Variants in CCDC102B observed in about 807,000 individuals in gnomAD.
The protein encoded by CCDC102B is coiled-coil domain containing 102B, also known as coiled-coil domain-containing protein 102B.
A neutral mutation model predicts 57.4 loss-of-function variants in CCDC102B; 75 were observed. The observed-to-expected ratio is 1.31, with a 90% CI of 1.08 to 1.58. The LOEUF is 1.58. Ranked by LOEUF, CCDC102B falls within the 40% of genes most tolerant of loss-of-function variation. The probability of loss-of-function intolerance (pLI) is 0.00; values close to 1 mark genes in which losing one functional copy is unlikely to be tolerated. For synonymous variants in CCDC102B, 206 were observed against 201.9 expected (o/e 1.02, Z -0.17); for missense variants, 636 against 582.6 (o/e 1.09, Z -0.94).
At chr18:68,980,809 T>G (rs1329336195) in intron 6 of CCDC102B, among the ~76,000 whole-genome samples, 1 of 151,822 alleles carries the variant, frequency 6.6e-6, no homozygotes, top group Non-Finnish European at 1.5e-5. Context: ...GAGGTCAGAG[T>G]TGACAATGAG....
intron 2 of CCDC102B, among the ~76,000 whole-genome samples, chr18:68,732,762 A>C (rs1336121418): frequency 1.3e-5 from 2 of 152,168 alleles, no homozygotes; most frequent in Non-Finnish European, 2.9e-5. Context: ...GTTTTCTCTT[A>C]AAATTTTTAG....
intron 6 of CCDC102B, among the ~76,000 whole-genome samples, chr18:68,929,081 TA>T (rs1305367685): frequency 1.3e-5 from 2 of 151,892 alleles, no homozygotes; most frequent in Non-Finnish European, 2.9e-5. Flanking sequence ...TCGTCATAGC[TA>T]AAAGTCAGCA....
intron 5 of CCDC102B, among the ~76,000 whole-genome samples, chr18:68,879,657 G>T (rs566682081): frequency 2.0e-5 from 3 of 152,120 alleles, no homozygotes; most frequent in Admixed American, 6.5e-5. Flanking sequence ...GCGCTGATTG[G>T]TGTATTTACA....
chr18:69,053,341 CTT>C (rs1350669946), intron 7 of CCDC102B, among the ~76,000 whole-genome samples: 3 of 150,586 alleles, frequency 2.0e-5, no homozygotes, highest in Non-Finnish European at 3.0e-5. Context: ...TATATATACA[CTT>C]AGCATATGTA....
intron 2 of CCDC102B, among the ~76,000 whole-genome samples, chr18:68,766,009 A>G (rs2034459159): frequency 6.6e-6 from 1 of 152,152 alleles, no homozygotes; most frequent in Admixed American, 6.6e-5. Context: ...AAAATTTTCC[A>G]TAAAAAATTT....
chr18:69,040,732 T>A (rs374630179), intron 7 of CCDC102B, among the ~76,000 whole-genome samples: 1 of 152,218 alleles, frequency 6.6e-6, no homozygotes, highest in South Asian at 2.1e-4. Flanking sequence ...AGTTGTCTTA[T>A]TTTTACTTAG....
At chr18:68,812,402 A>G (rs1415144259) in intron 1 of CCDC102B, among the ~76,000 whole-genome samples, 1 of 152,212 alleles carries the variant, frequency 6.6e-6, no homozygotes, top group Non-Finnish European at 1.5e-5. Context: ...GACCATGGTA[A>G]TCATTTAGAA....
intron 1 of CCDC102B, among the ~76,000 whole-genome samples, chr18:68,810,681 T>TTTG (rs1491570318): frequency 0.079 from 455 of 5,732 alleles, 12 homozygotes; most frequent in South Asian, 0.15. Flanking sequence ...CTTTTCTTTG[T>TTTG]TTTTTTTTTT....
chr18:69,005,838 T>G (rs1170372579), intron 6 of CCDC102B, among the ~76,000 whole-genome samples: 1 of 151,674 alleles, frequency 6.6e-6, no homozygotes, highest in African/African-American at 2.4e-5. Context: ...ACATTTTATG[T>G]GTTTCTTTTC....
At chr18:68,756,573 T>G (rs531213663) in intron 2 of CCDC102B, among the ~76,000 whole-genome samples, 125 of 152,292 alleles carry the variant, frequency 8.2e-4, no homozygotes, top group African/African-American at 2.8e-3. Context: ...AGTTGTAAAC[T>G]TCTAAAAGGC....
At chr18:68,792,650 T>A (rs993447225) in intron 2 of CCDC102B, among the ~76,000 whole-genome samples, 2 of 152,346 alleles carry the variant, frequency 1.3e-5, no homozygotes, top group South Asian at 2.1e-4. Flanking sequence ...TTCTACAGGT[T>A]ACATCTTTTT....
At chr18:69,007,771 G>A (rs1443700838) in intron 6 of CCDC102B, among the ~76,000 whole-genome samples, 1 of 152,202 alleles carries the variant, frequency 6.6e-6, no homozygotes, top group South Asian at 2.1e-4. Flanking sequence ...TGAGCAAATG[G>A]CCAAGCTGTA....
At chr18:68,749,269 G>C (rs1195272481) in intron 2 of CCDC102B, among the ~76,000 whole-genome samples, 2 of 151,992 alleles carry the variant, frequency 1.3e-5, no homozygotes, top group Non-Finnish European at 2.9e-5. Context: ...GCTCTTTTTT[G>C]GTTCCATATG....
upstream of CCDC102B, among the ~76,000 whole-genome samples, chr18:68,797,839 T>C (rs150725438): frequency 1.1e-4 from 17 of 150,926 alleles, no homozygotes; most frequent in Non-Finnish European, 2.4e-4. Context: ...TTAAGAACAC[T>C]TGTGGATCAA....
intron 6 of CCDC102B, among the ~76,000 whole-genome samples, chr18:68,961,309 A>G (rs999743123): frequency 1.1e-4 from 16 of 151,994 alleles, no homozygotes; most frequent in Non-Finnish European, 2.4e-4. Context: ...TTTATACAAA[A>G]TTGTTTTATT....
intron 6 of CCDC102B, among the ~76,000 whole-genome samples, chr18:68,945,542 T>C (rs751879335): frequency 6.6e-6 from 1 of 152,126 alleles, no homozygotes; most frequent in Non-Finnish European, 1.5e-5. Flanking sequence ...TAGACTTTGT[T>C]GGTTGGCAGG....
intron 6 of CCDC102B, among the ~76,000 whole-genome samples, chr18:69,009,565 C>T (rs1459202421): frequency 2.6e-5 from 4 of 152,136 alleles, no homozygotes; most frequent in East Asian, 3.9e-4. Flanking sequence ...ATTTTGTGAT[C>T]TCATGATTTG....
At chr18:68,943,302 C>T (rs957444671) in intron 6 of CCDC102B, among the ~76,000 whole-genome samples, 1 of 152,046 alleles carries the variant, frequency 6.6e-6, no homozygotes, top group African/African-American at 2.4e-5. Context: ...ATTAAGTAGA[C>T]TTTTAATTGA....
At chr18:68,780,156 T>C (rs1221013165) in intron 2 of CCDC102B, among the ~76,000 whole-genome samples, 1 of 152,126 alleles carries the variant, frequency 6.6e-6, no homozygotes, top group Non-Finnish European at 1.5e-5. Flanking sequence ...TATCATAATG[T>C]CTCCTAACTT....
Sources: gnomAD v4.1 joint callset for allele counts (sites outside exome capture counted in the v4.1 genomes callset) on GRCh38, gnomAD v4.1.1 for gene constraint, MANE v1.5 for transcripts, NCBI Gene and HGNC (gene_info 2026-07-23, HGNC 2026-07-21) for gene names.